The following UGT2B15 variants were observed in gnomAD, a reference collection of about 807,000 sequenced individuals.
UGT2B15 encodes the protein UDP glucuronosyltransferase family 2 member B15.
A neutral mutation model predicts 45.9 loss-of-function variants in UGT2B15; 36 were observed. The observed-to-expected ratio is 0.78, with a 90% CI of 0.60 to 1.04. UGT2B15 has a LOEUF of 1.04. Among genes scored for constraint, UGT2B15 ranks in the 50% least tolerant of loss-of-function variants. The pLI is 0.00. For missense variants in UGT2B15, 617 were observed against 622.4 expected (o/e 0.99, Z 0.09); for synonymous variants, 219 against 216.4 (o/e 1.01, Z -0.11).
intron 3 of UGT2B15, among the ~76,000 whole-genome samples, chr4:68,660,790 C>T (rs1278888423): frequency 5.3e-5 from 8 of 151,686 alleles, no homozygotes; most frequent in Non-Finnish European, 1.0e-4. Context: ...TTTGGAGTCA[C>T]TGTAAACTAA....
chr4:68,654,153 A>G lies in UGT2B15; in HGVS notation c.1197T>C (p.Asp399=). The change falls in exon 5 of 6, where the codon GAT becomes GAC. Residue 399 remains aspartate (D), a synonymous_variant. Coordinates refer to ENST00000338206, the MANE Select transcript of UGT2B15 (RefSeq NM_001076.4). ...IPMVGIPLFA[D]QHDNIAHMKA... Reference sequence around the variant, plus strand: ...TCATGTGAGCAATGTTATCATGTTGATCCGCAAACAAGGGAATGCCCACCA... The same window carrying G: ...TCATGTGAGCAATGTTATCATGTTGGTCCGCAAACAAGGGAATGCCCACCA... 1 of 1,613,640 alleles carries G rather than the reference A, an allele frequency of 6.2e-7. No homozygotes were observed. Among genetic ancestry groups the G allele is most frequent in the African/African-American group, 1.3e-5 (1 of 74,956 alleles).
At chr4:68,653,333 T>A (rs530138824) in intron 5 of UGT2B15, among the ~76,000 whole-genome samples, 2 of 152,128 alleles carry the variant, frequency 1.3e-5, no homozygotes, top group East Asian at 1.9e-4. Context: ...TGATACATCC[T>A]ACAACATAAA....
At chr4:68,651,391 C>T (rs1389665729) in intron 5 of UGT2B15, among the ~76,000 whole-genome samples, 1 of 152,046 alleles carries the variant, frequency 6.6e-6, no homozygotes, top group Non-Finnish European at 1.5e-5. Context: ...TTCTCCAGCA[C>T]CATTTATTTA....
At chr4:68,666,570 G>C (rs571820495) in intron 2 of UGT2B15, among the ~76,000 whole-genome samples, 4 of 151,868 alleles carry the variant, frequency 2.6e-5, no homozygotes, top group Admixed American at 2.0e-4. Context: ...TCATGTAAAA[G>C]TTCCTAAATG....
intron 5 of UGT2B15, among the ~76,000 whole-genome samples, chr4:68,647,617 A>G (rs1351258207): frequency 6.6e-6 from 1 of 152,128 alleles, no homozygotes; most frequent in Admixed American, 6.5e-5. Flanking sequence ...TTCGGTGGGA[A>G]AGTTAATGTT....
Position 68,670,236 on chromosome 4 carries a change from C to A in UGT2B15, c.383G>T (p.Cys128Phe). The A allele has an allele frequency of 6.2e-7, 1 of 1,613,896 alleles. No homozygotes were observed. Among genetic ancestry groups the A allele is most frequent in the Non-Finnish European group, 8.5e-7 (1 of 1,179,928 alleles). ...WEYYDYSNKL[C>F]KDAVLNKKLM... is the part of the protein sequence containing the mutation. The stretch of plus-strand genomic sequence containing the variant: ...TTTCTTATTCAAAACTGCATCTTTA[C>A]AGAGCTTGTTACTGTAGTCATAATA... Residue 128 changes from cysteine to phenylalanine, a missense_variant, in exon 1 of 6, where the codon TGT (cysteine) becomes TTT (phenylalanine). This residue lies in a region of UGT2B15 where 351 missense variants were observed against 342.1 expected (regional missense o/e 1.03). Coordinates refer to ENST00000338206, the MANE Select transcript of UGT2B15 (RefSeq NM_001076.4).
intron 3 of UGT2B15, among the ~76,000 whole-genome samples, chr4:68,661,743 T>C (rs1732974299): frequency 6.6e-6 from 1 of 152,122 alleles, no homozygotes; most frequent in Admixed American, 6.6e-5. Context: ...CAAGTGGCAG[T>C]GTTTGACACA....
At chr4:68,665,589 C>A (rs1164272851) in intron 2 of UGT2B15, among the ~76,000 whole-genome samples, 1 of 152,096 alleles carries the variant, frequency 6.6e-6, no homozygotes, top group African/African-American at 2.4e-5. Context: ...ATTTTTCAAA[C>A]ACTTGATACT....
rs563877748 is a variant in UGT2B15 at position 68,662,389 on chromosome 4, GT to G, written c.1005+618del. ...GCACCCAAGTCAGCAGAGCAGACAA[GT>G]TTTTTTTTTTTTTCTCTAAATCTAC... On this transcript the variant is annotated intron_variant, in intron 3 of 5. Transcript: ENST00000338206. Among the ~76,000 whole-genome samples the G allele has an allele frequency of 9.8e-3, 1,421 of 144,418 alleles. 14 individuals carry two copies. The highest frequency in any genetic ancestry group is 0.022 in the East Asian group (110 of 4,958). 94.7% of individuals were successfully genotyped at this position (144,418 alleles called of 152,430 possible).
intron 2 of UGT2B15, among the ~76,000 whole-genome samples, chr4:68,664,313 A>C (rs1733055952): frequency 6.6e-6 from 1 of 150,686 alleles, no homozygotes; most frequent in Non-Finnish European, 1.5e-5. Context: ...ATGTAGACCC[A>C]TAAGTTTCCT....
intron 5 of UGT2B15, among the ~76,000 whole-genome samples, chr4:68,650,070 G>A (rs185104356): frequency 1.3e-5 from 2 of 152,072 alleles, no homozygotes; most frequent in African/African-American, 2.4e-5. Context: ...TCTTGACCTC[G>A]TGATCTGCCC....
chr4:68,665,405 T>C (rs145641914), intron 2 of UGT2B15, among the ~76,000 whole-genome samples: 2,748 of 152,266 alleles, frequency 0.018, 97 homozygotes, highest in African/African-American at 0.061. Context: ...AAAAGGATTG[T>C]AATGGCTTGG....
Position 68,669,829 on chromosome 4 carries a change from T to G in UGT2B15, c.724+66A>C, listed in dbSNP as rs1319274615. On this transcript the variant is annotated intron_variant, in intron 1 of 5. Transcript: ENST00000338206. ...ACTATCTTCTGACATTATATTTATA[T>G]AAGCTCACCTTCAAAGGCACAGAAA... 6 of 1,528,904 alleles carry G rather than the reference T, an allele frequency of 3.9e-6. No homozygotes were observed. The African/African-American group carries it at 5.6e-5, about 14-fold the overall frequency. 94.7% of individuals were successfully genotyped at this position (1,528,904 alleles called of 1,614,324 possible). A position where few individuals can be genotyped will look rare whatever the true frequency, so the allele number is the denominator to read the frequency against.
chr4:68,649,830 G>GT (rs1190321246), intron 5 of UGT2B15, among the ~76,000 whole-genome samples: 1 of 150,862 alleles, frequency 6.6e-6, no homozygotes, highest in African/African-American at 2.4e-5. Flanking sequence ...TCACTTTTTT[G>GT]TTTTTTTGCT....
chr4:68,661,106 C>T (rs1406208881), intron 3 of UGT2B15, among the ~76,000 whole-genome samples: 4 of 151,914 alleles, frequency 2.6e-5, no homozygotes, highest in African/African-American at 9.7e-5. Flanking sequence ...CAGATGAAAA[C>T]CTGAGACCAG....
At chr4:68,656,753 T>C (rs1158752866) in intron 3 of UGT2B15, among the ~76,000 whole-genome samples, 1 of 151,970 alleles carries the variant, frequency 6.6e-6, no homozygotes, top group Non-Finnish European at 1.5e-5. Flanking sequence ...CTCACCCCTT[T>C]AGGGGTGTCT....
chr4:68,647,734 TG>T (rs1464034862), intron 5 of UGT2B15, among the ~76,000 whole-genome samples: 1 of 152,050 alleles, frequency 6.6e-6, no homozygotes, highest in Non-Finnish European at 1.5e-5. Flanking sequence ...TTTTATTTTT[TG>T]AGACAGGCTT....
chr4:68,647,402 G>T lies in UGT2B15; in HGVS notation c.1314-19C>A. On this transcript the variant is annotated intron_variant, in intron 5 of 5. Transcript: ENST00000338206. Reference sequence around the variant, plus strand: ...TTTATAGCTGAAGGATAAATATAAAGATATCAACATTAAAAGTAAATTTAT... The same window carrying T: ...TTTATAGCTGAAGGATAAATATAAATATATCAACATTAAAAGTAAATTTAT... The T allele has an allele frequency of 3.8e-6, 6 of 1,595,400 alleles. No homozygotes were observed. Among genetic ancestry groups the T allele is most frequent in the Non-Finnish European group, 5.1e-6 (6 of 1,169,414 alleles).
At chr4:68,665,398 A>AT (rs1165693361) in intron 2 of UGT2B15, among the ~76,000 whole-genome samples, 14 of 152,126 alleles carry the variant, frequency 9.2e-5, no homozygotes, top group African/African-American at 2.9e-4. Flanking sequence ...TTTTGAAAAA[A>AT]GGATTGTAAT....
Sources: allele counts gnomAD v4.1 joint callset (sites outside exome capture counted in the v4.1 genomes callset), GRCh38; gene constraint gnomAD v4.1.1; regional missense constraint gnomAD v4.1.1; transcripts MANE v1.5; gene names NCBI Gene and HGNC (gene_info 2026-07-23, HGNC 2026-07-21).